MTNAP1: variants seen among roughly 807,000 people sequenced by gnomAD.
MTNAP1 encodes mitochondrial nucleoid associated protein 1.
At chr17:73,238,944 T>TG in the MTNAP1 span, among the ~76,000 whole-genome samples, 14 of 151,754 alleles carry the variant, frequency 9.2e-5, no homozygotes, top group African/African-American at 1.5e-4. Context: ...TGTTTTGTTT[T>TG]TTTGTTTGTT....
chr17:73,243,303 C>G, the MTNAP1 span: 1 of 376,426 alleles, frequency 2.7e-6, no homozygotes, highest in Non-Finnish European at 5.1e-6. Context: ...TATAGGCATG[C>G]ACCACCATGC....
chr17:73,241,832 G>A, the MTNAP1 span, among the ~76,000 whole-genome samples: 1 of 152,172 alleles, frequency 6.6e-6, no homozygotes, highest in Non-Finnish European at 1.5e-5. Flanking sequence ...GGGAGGCTGA[G>A]GCAGGAGAAT....
At chr17:73,242,177 C>A in the MTNAP1 span, 1 of 1,052,254 alleles carries the variant, frequency 9.5e-7, no homozygotes, top group Non-Finnish European at 1.4e-6. Context: ...GATCCTTCGG[C>A]ACTGGATGTT....
At chr17:73,234,310 A>G in the MTNAP1 span, among the ~76,000 whole-genome samples, 13 of 132,180 alleles carry the variant, frequency 9.8e-5, no homozygotes, top group Non-Finnish European at 4.9e-5. Flanking sequence ...ACAAATATAC[A>G]TGGTATAAAT....
the MTNAP1 span, among the ~76,000 whole-genome samples, chr17:73,243,552 T>C: frequency 6.7e-6 from 1 of 149,948 alleles, no homozygotes; most frequent in African/African-American, 2.5e-5. Flanking sequence ...TGTTGTCTTT[T>C]TTTTTTTTTT....
At chr17:73,238,029 G>A in the MTNAP1 span, among the ~76,000 whole-genome samples, 3 of 152,276 alleles carry the variant, frequency 2.0e-5, no homozygotes, top group Non-Finnish European at 2.9e-5. Context: ...AAGACTGAAC[G>A]TTGAAACTCA....
chr17:73,240,607 T>C, the MTNAP1 span, among the ~76,000 whole-genome samples: 1 of 152,250 alleles, frequency 6.6e-6, no homozygotes, highest in South Asian at 2.1e-4. Context: ...GAGAATGGGC[T>C]ATACCTTTTC....
At chr17:73,235,894 G>T in the MTNAP1 span, 1 of 1,614,066 alleles carries the variant, frequency 6.2e-7, no homozygotes, top group African/African-American at 1.3e-5. Context: ...AGAAACCAAG[G>T]CTCAGTTTTA....
chr17:73,246,230 A>C, the MTNAP1 span, among the ~76,000 whole-genome samples: 2 of 152,166 alleles, frequency 1.3e-5, no homozygotes, highest in South Asian at 2.1e-4. Flanking sequence ...CTTATGTCCC[A>C]GCTCTTTTAA....
the MTNAP1 span, among the ~76,000 whole-genome samples, chr17:73,239,685 A>ATTTTTTT: frequency 6.9e-6 from 1 of 145,580 alleles, no homozygotes; most frequent in Non-Finnish European, 1.5e-5. Flanking sequence ...CGCCCAGCTA[A>ATTTTTTT]TTTTTTTTTT....
the MTNAP1 span, among the ~76,000 whole-genome samples, chr17:73,246,308 C>T: frequency 2.6e-5 from 4 of 151,966 alleles, no homozygotes; most frequent in African/African-American, 7.3e-5. Flanking sequence ...CCAAGGCGGG[C>T]GGATCATGAA....
the MTNAP1 span, chr17:73,242,474 T>C: frequency 1.6e-6 from 1 of 619,640 alleles, no homozygotes; most frequent in Non-Finnish European, 2.8e-6. Context: ...TGTGTTGTCT[T>C]CCTAGTTTTC....
chr17:73,235,394 A>C, the MTNAP1 span: 1 of 1,189,234 alleles, frequency 8.4e-7, no homozygotes, highest in South Asian at 1.6e-5. Flanking sequence ...TTCCAAATGA[A>C]TTTAAAAGAT....
chr17:73,234,429 C>A, the MTNAP1 span, among the ~76,000 whole-genome samples: 1 of 146,284 alleles, frequency 6.8e-6, no homozygotes, highest in South Asian at 2.2e-4. Context: ...TGGTGTCTCA[C>A]GCCTGTAATC....
the MTNAP1 span, among the ~76,000 whole-genome samples, chr17:73,241,821 C>T: frequency 6.6e-6 from 1 of 152,162 alleles, no homozygotes; most frequent in East Asian, 1.9e-4. Flanking sequence ...CCCAGCTACT[C>T]GGGAGGCTGA....
At chr17:73,245,343 A>G in the MTNAP1 span, 17 of 1,381,912 alleles carry the variant, frequency 1.2e-5, no homozygotes, top group East Asian at 1.9e-4. Context: ...GGAATCTAAA[A>G]TAATGATACA....
the MTNAP1 span, among the ~76,000 whole-genome samples, chr17:73,238,081 C>T: frequency 3.3e-5 from 5 of 152,154 alleles, no homozygotes; most frequent in East Asian, 1.9e-4. Context: ...CTAGAGGCTC[C>T]TTTTGCTGAT....
At chr17:73,235,847 T>C in the MTNAP1 span, 1 of 1,614,126 alleles carries the variant, frequency 6.2e-7, no homozygotes. Context: ...TCCTTCAAAA[T>C]GTTAAAAAAT....
At chr17:73,234,389 TTGTACTAGAAACTA>T in the MTNAP1 span, among the ~76,000 whole-genome samples, 253 of 152,156 alleles carry the variant, frequency 1.7e-3, 3 homozygotes, top group East Asian at 0.041. Context: ...CAGTAATCTG[TTGTACTAGAAACTA>T]TAAGTAGGCC....
Sources: allele counts gnomAD v4.1 joint callset (sites outside exome capture counted in the v4.1 genomes callset), GRCh38; gene constraint gnomAD v4.1.1; transcripts MANE v1.5; gene names NCBI Gene and HGNC (gene_info 2026-07-23, HGNC 2026-07-21).